METTL17: variants seen among roughly 807,000 people sequenced by gnomAD.
METTL17 encodes methyltransferase like 17.
A neutral mutation model predicts 59.4 loss-of-function variants in METTL17; 49 were observed. The observed-to-expected ratio is 0.82, with a 90% CI of 0.66 to 1.05. The LOEUF (loss-of-function observed/expected upper bound fraction) is 1.05, where lower values mean the gene tolerates loss of function less well. Ranked by LOEUF, METTL17 falls within the 50% of genes least tolerant of loss-of-function variation. The pLI is 0.00. For missense variants in METTL17, 555 were observed against 578.4 expected, an observed-to-expected ratio of 0.96 and a Z score of 0.41; for synonymous variants, 208 against 209.2, an observed-to-expected ratio of 0.99 and a Z score of 0.05.
At position 20,996,535 on chromosome 14, in the gene METTL17, A is replaced by C; in HGVS notation, c.1089A>C (p.Lys363Asn). 6.2e-7 allele frequency: 1 copy of C among 1,609,874 alleles called. No individual in the cohort carries two copies. Among genetic ancestry groups the C allele is most frequent in the Non-Finnish European group, 8.5e-7 (1 of 1,176,610 alleles). Reference sequence around the variant, plus strand: ...TATGTTCCTTATCTTAGAACAAGAAACCAAAGGAAGAAAAGTTCTCTATGG... The same window carrying C: ...TATGTTCCTTATCTTAGAACAAGAACCCAAAGGAAGAAAAGTTCTCTATGG... ...YHPIPFSWNK[K>N]PKEEKFSMVI... is the part of the protein sequence containing the mutation. Residue 363 changes from lysine (K) to asparagine (N), a missense_variant, in exon 13 of 14, where the codon AAA becomes AAC. Transcript: ENST00000339374.
At chr14:20,991,447 A>G (rs1018416969) in intron 3 of METTL17, among the ~76,000 whole-genome samples, 1 of 152,162 alleles carries the variant, frequency 6.6e-6, no homozygotes, top group Non-Finnish European at 1.5e-5. Flanking sequence ...TTTCCTCTCC[A>G]TAGGAATAGT....
intron 4 of METTL17, 40 bp downstream of exon 4, chr14:20,992,245 A>G: frequency 1.5e-6 from 2 of 1,309,968 alleles, no homozygotes; most frequent in Non-Finnish European, 2.2e-6. Context: ...AAGCAAAGGT[A>G]GACTTTAGAA....
chr14:20,992,750 G>T, intron 5 of METTL17, 128 bp downstream of exon 5: 1 of 702,736 alleles, frequency 1.4e-6, no homozygotes, highest in Non-Finnish European at 2.5e-6. Context: ...ATCTCCGCTG[G>T]ACATAGTGGG....
At position 20,992,887 on chromosome 14, in the gene METTL17, T is replaced by TAA. The variant is rs36112108; in HGVS notation, c.529-224_529-223dup. ...GGTGACAGAGTGAGACCTCATCTCT[T>TAA]AAAAAAAACACAAAATAAAGACGTT... On this transcript the variant is annotated intron_variant, in intron 5 of 13. Coordinates refer to ENST00000339374, the MANE Select transcript of METTL17 (RefSeq NM_022734.3). 96 of 597,326 alleles carry TAA rather than the reference T, an allele frequency of 1.6e-4. No homozygotes were observed. In the Middle Eastern group the frequency reaches 1.8e-3, roughly 11 times the overall value. 37.0% of individuals were successfully genotyped at this position (597,326 alleles called of 1,614,324 possible).
intron 10 of METTL17, 35 bp downstream of exon 10, chr14:20,995,268 A>G (rs1594343993): frequency 6.4e-7 from 1 of 1,557,874 alleles, no homozygotes; most frequent in Non-Finnish European, 8.9e-7. Context: ...CCCCACCCAT[A>G]TGGCACCAAT....
intron 6 of METTL17, 49 bp downstream of exon 6, chr14:20,993,240 G>A: frequency 6.6e-7 from 1 of 1,510,690 alleles, no homozygotes. Flanking sequence ...GCTCTAGAAA[G>A]CCATACTTAC....
chr14:20,995,998 C>T (rs778724591), intron 11 of METTL17, 47 bp downstream of exon 11: 17 of 1,595,896 alleles, frequency 1.1e-5, no homozygotes, highest in Admixed American at 8.4e-5. Context: ...TGAACTTAGG[C>T]GTGGCCGGGA....
Position 20,994,896 on chromosome 14 carries a change from T to G in METTL17, c.871T>G (p.Phe291Val). ...VQTLWRKTGH[F>V]LVLVENGTKA... ...AACCTTATGGCGTAAGACAGGTCATTTCCTGGTGAGTTAAAATTCCTTGTT... is the reference window on the plus strand; with the variant it reads ...AACCTTATGGCGTAAGACAGGTCATGTCCTGGTGAGTTAAAATTCCTTGTT... Residue 291 changes from phenylalanine (F) to valine (V), a missense_variant, in exon 9 of 14, where the codon TTC becomes GTC. By Grantham distance (50) the Phe-to-Val change is conservative (BLOSUM62 -1). Transcript: ENST00000339374. The G allele has an allele frequency of 6.2e-7, 1 of 1,612,462 alleles. No individual in the cohort carries two copies. Among genetic ancestry groups the G allele is most frequent in the Non-Finnish European group, 8.5e-7 (1 of 1,178,922 alleles).
At position 20,990,039 on chromosome 14, in the gene METTL17, A is replaced by G; in HGVS notation, c.37A>G (p.Arg13Gly). ...ACTGAAGTGTCTACTGACATTAGGA[A>G]GATGGTGCCCCGGCCTTGGAGTGGC... Reference protein sequence around the residue: ...AALKCLLTLGRWCPGLGVAPQ... With the variant: ...AALKCLLTLGGWCPGLGVAPQ... Residue 13 changes from arginine to glycine, a missense_variant, in exon 1 of 14, where the codon AGA becomes GGA. Physicochemically the swap from Arg to Gly is moderately radical, Grantham distance 125. Transcript: ENST00000339374. 1 of 1,613,152 alleles carries G rather than the reference A, an allele frequency of 6.2e-7. No individual in the cohort carries two copies. Among genetic ancestry groups the G allele is most frequent in the Non-Finnish European group, 8.5e-7 (1 of 1,179,772 alleles).
At chr14:20,994,283 CTT>C (rs370656915) in intron 7 of METTL17, among the ~76,000 whole-genome samples, 5,108 of 138,658 alleles carry the variant, frequency 0.037, 299 homozygotes, top group African/African-American at 0.12. Flanking sequence ...TCTCCCTGCC[CTT>C]TTTTTTTTTT....
At chr14:20,995,133 G>T in intron 9 of METTL17, 32 bp from the exon 10 acceptor site, 1 of 1,597,576 alleles carries the variant, frequency 6.3e-7, no homozygotes, top group African/African-American at 1.3e-5. Context: ...TGTAATTCAA[G>T]TCTTCTGCAT....
rs754448587 is a variant in METTL17, at chr14:20,990,230, G to C, written c.76G>C (p.Ala26Pro). ...PGLGVAPQAR[A>P]LAALVPGVTQ... ...TCAACCTACCTTTCTCTGCCTGCAGGCGCTCGCCGCCTTAGTACCCGGAGT... is the reference window on the plus strand; with the variant it reads ...TCAACCTACCTTTCTCTGCCTGCAGCCGCTCGCCGCCTTAGTACCCGGAGT... The change falls in exon 2 of 14, where the codon GCG becomes CCG. Residue 26 changes from alanine (A) to proline (P), a missense_variant and splice_region_variant. Physicochemically the swap from Ala to Pro is conservative, Grantham distance 27 (BLOSUM62 -1). Transcript: ENST00000339374. 1.9e-6 allele frequency: 3 copies of C among 1,614,198 alleles called. No homozygotes were observed. The highest frequency in any genetic ancestry group is 4.5e-5 in the East Asian group (2 of 44,880).
At chr14:20,995,289 C>A in intron 10 of METTL17, 56 bp downstream of exon 10, 1 of 1,460,180 alleles carries the variant, frequency 6.8e-7, no homozygotes, top group Non-Finnish European at 9.6e-7. Context: ...TACTGTTACT[C>A]TCTTGAAAAC....
chr14:20,993,321 C>A, intron 6 of METTL17, 130 bp downstream of exon 6: 1 of 771,056 alleles, frequency 1.3e-6, no homozygotes, highest in South Asian at 1.5e-5. Flanking sequence ...AATGTTTCTT[C>A]CATCAGATTA....
intron 12 of METTL17, 71 bp downstream of exon 12, chr14:20,996,363 A>G (rs1880375350): frequency 1.9e-6 from 3 of 1,544,432 alleles, no homozygotes; most frequent in Non-Finnish European, 2.7e-6. Flanking sequence ...AATCAGAGTT[A>G]GGAGGAGTTG....
intron 6 of METTL17, 60 bp from the exon 7 acceptor site, chr14:20,993,909 C>T: frequency 1.5e-6 from 2 of 1,339,130 alleles, no homozygotes; most frequent in South Asian, 2.4e-5. Context: ...AAATGGGCCT[C>T]TTGTAGAGAT....
chr14:20,990,180 A>G (rs774611186), intron 1 of METTL17, 50 bp from the exon 2 acceptor site: 2 of 1,613,050 alleles, frequency 1.2e-6, no homozygotes, highest in East Asian at 2.2e-5. Context: ...AGCGATTGCC[A>G]GCAACTTTCC....
At position 20,990,341 on chromosome 14, in the gene METTL17, C is replaced by G; in HGVS notation, c.187C>G (p.Leu63Val). The G allele has an allele frequency of 6.2e-7, 1 of 1,614,240 alleles. No individual in the cohort carries two copies. Among genetic ancestry groups the G allele is most frequent in the African/African-American group, 1.3e-5 (1 of 75,082 alleles). The change falls in exon 2 of 14, where the codon CTG becomes GTG. Residue 63 changes from leucine to valine, a missense_variant. Physicochemically the swap from Leu to Val is conservative, Grantham distance 32 (BLOSUM62 1). Coordinates refer to ENST00000339374, the MANE Select transcript of METTL17 (RefSeq NM_022734.3). ...CATCCTAAAGCTGCCGCACGTGCGGCTGCCACAGGCACTGGCTAACGGTGC... is the reference window on the plus strand; with the variant it reads ...CATCCTAAAGCTGCCGCACGTGCGGGTGCCACAGGCACTGGCTAACGGTGC... ...PGILKLPHVRLPQALANGAQL... is the reference protein window; with the variant it reads ...PGILKLPHVRVPQALANGAQL...
At position 20,992,588 on chromosome 14, in the gene METTL17, G is replaced by A; in HGVS notation, c.494G>A (p.Gly165Asp). 1 of 1,614,206 alleles carries A rather than the reference G, an allele frequency of 6.2e-7. No homozygotes were observed. Among genetic ancestry groups the A allele is most frequent in the Non-Finnish European group, 8.5e-7 (1 of 1,180,028 alleles). ...SLVYMAARLD[G>D]GFAAVSRAFH... ...GTGTATATGGCAGCAAGACTGGATGGTGGCTTTGCAGCAGTCTCCAGAGCA... is the reference window on the plus strand; with the variant it reads ...GTGTATATGGCAGCAAGACTGGATGATGGCTTTGCAGCAGTCTCCAGAGCA... Residue 165 changes from glycine (G) to aspartate (D), a missense_variant, in exon 5 of 14, where the codon GGT (glycine) becomes GAT (aspartate). Gly to Asp is a moderately conservative substitution (Grantham distance 94). Coordinates refer to ENST00000339374, the MANE Select transcript of METTL17 (RefSeq NM_022734.3).
Sources: allele counts gnomAD v4.1 joint callset (sites outside exome capture counted in the v4.1 genomes callset), GRCh38; gene constraint gnomAD v4.1.1; transcripts MANE v1.5; gene names NCBI Gene and HGNC (gene_info 2026-07-23, HGNC 2026-07-21).